DDX21: variants seen among roughly 807,000 people sequenced by gnomAD.
DDX21 encodes DExD-box helicase 21.
A neutral mutation model predicts 90.0 loss-of-function variants in DDX21; 18 were observed. The observed-to-expected ratio is 0.20, with a 90% CI of 0.14 to 0.30. The LOEUF (loss-of-function observed/expected upper bound fraction) is 0.30. DDX21 is among the 10% of genes least tolerant of loss of function. The probability of loss-of-function intolerance (pLI) is 1.00; values close to 1 mark genes in which losing one functional copy is unlikely to be tolerated. For synonymous variants in DDX21, 294 were observed against 318.0 expected, an observed-to-expected ratio of 0.92 and a Z score of 0.80; for missense variants, 673 against 944.5, an observed-to-expected ratio of 0.71 and a Z score of 3.77.
At chr10:68,978,565 C>G (rs1843140181) in intron 12 of DDX21, among the ~76,000 whole-genome samples, 2 of 152,078 alleles carry the variant, frequency 1.3e-5, no homozygotes, top group Non-Finnish European at 2.9e-5. Context: ...AGAAATAATA[C>G]AGAGAGATCC....
intron 7 of DDX21, among the ~76,000 whole-genome samples, chr10:68,969,759 C>T (rs1209406166): frequency 6.6e-6 from 1 of 152,096 alleles, no homozygotes; most frequent in East Asian, 1.9e-4. Context: ...TAAAATTTCA[C>T]CTTTGATTCT....
intron 4 of DDX21, 49 bp downstream of exon 4, chr10:68,963,518 C>A (rs1381155339): frequency 6.5e-7 from 1 of 1,541,768 alleles, no homozygotes; most frequent in South Asian, 1.3e-5. Flanking sequence ...GAAAAACCAC[C>A]ACTTGGGCAT....
At chr10:68,964,707 A>G (rs1842918922) in intron 4 of DDX21, among the ~76,000 whole-genome samples, 1 of 121,890 alleles carries the variant, frequency 8.2e-6, no homozygotes, top group African/African-American at 3.1e-5. Flanking sequence ...TTTGTCGCCC[A>G]GGTTGGAGTG....
rs1300191196 is a variant in DDX21 at position 68,973,539 on chromosome 10, C to G, written c.1549-6C>G. On this transcript the variant is annotated splice_polypyrimidine_tract_variant and splice_region_variant and intron_variant, in intron 9 of 14. Coordinates refer to ENST00000354185, the MANE Select transcript of DDX21 (RefSeq NM_004728.4). ...TTAGTGTTACTCATGTATTTTACTT[C>G]AATAGGATGTAGAGTCCTACATTCA... 6.2e-7 allele frequency: 1 copy of G among 1,613,910 alleles called. No individual in the cohort carries two copies. Among genetic ancestry groups the G allele is most frequent in the South Asian group, 1.1e-5 (1 of 91,072 alleles).
chr10:68,980,832 CA>C (rs11340675), intron 13 of DDX21, among the ~76,000 whole-genome samples: 45,969 of 99,552 alleles, frequency 0.46, 8,650 homozygotes, highest in East Asian at 0.77. Context: ...CTGTCTCTAC[CA>C]AAAAAAAAAA....
chr10:68,960,917 A>C (rs1416921545), intron 2 of DDX21, among the ~76,000 whole-genome samples: 2 of 152,256 alleles, frequency 1.3e-5, no homozygotes, highest in South Asian at 2.1e-4. Flanking sequence ...AATGGGCCCT[A>C]GTTTCCCTCT....
chr10:68,967,014 A>G lies in DDX21; in HGVS notation c.905-4A>G, dbSNP rs752309943. On this transcript the variant is annotated splice_polypyrimidine_tract_variant and splice_region_variant and intron_variant, in intron 5 of 14. Coordinates refer to ENST00000354185, the MANE Select transcript of DDX21 (RefSeq NM_004728.4). Reference sequence around the variant, plus strand: ...CCAGCAAATCTTGTCATTGTTTTTTATAGTTGAACGCATGAGGAATGGGAT... The same window carrying G: ...CCAGCAAATCTTGTCATTGTTTTTTGTAGTTGAACGCATGAGGAATGGGAT... 4 of 1,604,726 alleles carry G rather than the reference A, an allele frequency of 2.5e-6. No homozygotes were observed. The Admixed American group carries it at 5.1e-5, about 20-fold the overall frequency.
chr10:68,973,295 C>T (rs1843052119), intron 9 of DDX21, among the ~76,000 whole-genome samples: 1 of 152,154 alleles, frequency 6.6e-6, no homozygotes, highest in South Asian at 2.1e-4. Flanking sequence ...ATTGGAATTA[C>T]ATATATGCCT....
Position 68,974,832 on chromosome 10 carries a change from A to AT in DDX21, c.1742+99dup, listed in dbSNP as rs146489157. ...CAGTAATAAGATTTGACTTAAAAAA[A>AT]TTTTTTTTTTAAAATTTTTGAGACA... is the stretch of plus-strand genomic sequence containing the variant. On this transcript the variant is annotated intron_variant, in intron 11 of 14. Coordinates refer to ENST00000354185, the MANE Select transcript of DDX21 (RefSeq NM_004728.4). 5.3e-3 allele frequency: 5,847 copies of AT among 1,096,032 alleles called. 15 individuals carry two copies. Among genetic ancestry groups the AT allele is most frequent in the Non-Finnish European group, 6.2e-3 (4,807 of 775,534 alleles). 67.9% of individuals were successfully genotyped at this position (1,096,032 alleles called of 1,614,324 possible). A position where few individuals can be genotyped will look rare whatever the true frequency, so the allele number is the denominator to read the frequency against.
chr10:68,980,832 C>CAAAAA (rs11340675), intron 13 of DDX21, among the ~76,000 whole-genome samples: 4 of 99,642 alleles, frequency 4.0e-5, no homozygotes, highest in East Asian at 3.2e-4. Flanking sequence ...CTGTCTCTAC[C>CAAAAA]AAAAAAAAAA....
At chr10:68,978,208 A>G (rs936218131) in intron 12 of DDX21, among the ~76,000 whole-genome samples, 4 of 152,116 alleles carry the variant, frequency 2.6e-5, no homozygotes, top group African/African-American at 9.7e-5. Context: ...AGTGGTCCTG[A>G]CTGGCTGTGT....
At chr10:68,976,148 G>A (rs184087516) in intron 11 of DDX21, among the ~76,000 whole-genome samples, 37 of 151,960 alleles carry the variant, frequency 2.4e-4, no homozygotes, top group South Asian at 8.3e-4. Context: ...GATTGCATGA[G>A]CCCAGGAGGT....
intron 13 of DDX21, among the ~76,000 whole-genome samples, chr10:68,980,547 T>C (rs955752669): frequency 6.6e-6 from 1 of 152,174 alleles, no homozygotes; most frequent in African/African-American, 2.4e-5. Flanking sequence ...CAGTAGGTGA[T>C]GATACCTATG....
intron 5 of DDX21, 104 bp from the exon 6 acceptor site, chr10:68,966,914 T>A: frequency 1.2e-6 from 1 of 858,916 alleles, no homozygotes; most frequent in Non-Finnish European, 1.7e-6. Context: ...TACTTGTAGG[T>A]ATTTAACAAA....
chr10:68,979,494 A>G (rs539720908), intron 13 of DDX21, among the ~76,000 whole-genome samples: 4 of 152,326 alleles, frequency 2.6e-5, no homozygotes, highest in South Asian at 4.1e-4. Context: ...TACTTACTGT[A>G]TTAGAAATTA....
chr10:68,958,393 T>G (rs1842828780), intron 1 of DDX21, among the ~76,000 whole-genome samples: 1 of 151,998 alleles, frequency 6.6e-6, no homozygotes, highest in African/African-American at 2.4e-5. Flanking sequence ...CTCAGCCTCC[T>G]AAGTAGCTAG....
At chr10:68,963,657 C>T (rs899121574) in intron 4 of DDX21, among the ~76,000 whole-genome samples, 188 bp downstream of exon 4, 1 of 152,084 alleles carries the variant, frequency 6.6e-6, no homozygotes, top group African/African-American at 2.4e-5. Context: ...AGATCATTCT[C>T]TGTATATTTC....
chr10:68,981,905 G>T lies in DDX21; in HGVS notation c.2082+324G>T, dbSNP rs968630740. ...TGTGTGTGTTTTCAGACAGAGTCTC[G>T]CTCTGTCGCCCAGGCTGGAGTGCAG... is the stretch of plus-strand genomic sequence containing the variant. On this transcript the variant is annotated intron_variant, in intron 14 of 14. Coordinates refer to ENST00000354185, the MANE Select transcript of DDX21 (RefSeq NM_004728.4). Among the ~76,000 whole-genome samples the T allele has an allele frequency of 1.1e-4, 16 of 151,520 alleles. 1 individual carries two copies. Among genetic ancestry groups the T allele is most frequent in the Non-Finnish European group, 1.9e-4 (13 of 67,876 alleles).
At chr10:68,969,219 A>G (rs1342252671) in intron 7 of DDX21, 98 bp downstream of exon 7, 1 of 1,174,490 alleles carries the variant, frequency 8.5e-7, no homozygotes, top group Non-Finnish European at 1.2e-6. Flanking sequence ...CCAGATAAAT[A>G]CTAAATCCAT....
Sources: allele counts gnomAD v4.1 joint callset (sites outside exome capture counted in the v4.1 genomes callset), GRCh38; gene constraint gnomAD v4.1.1; transcripts MANE v1.5; gene names NCBI Gene and HGNC (gene_info 2026-07-23, HGNC 2026-07-21).